DOCK6: variants seen among roughly 807,000 people sequenced by gnomAD.
The protein encoded by DOCK6 is dedicator of cytokinesis protein 6.
Under a neutral mutation model 230.3 loss-of-function variants are expected in DOCK6, and 167 were observed. The observed-to-expected ratio is 0.73, with a 90% confidence interval of 0.64 to 0.82. DOCK6 has a LOEUF of 0.82. Ranked by LOEUF, DOCK6 falls within the 40% of genes least tolerant of loss-of-function variation. The pLI is 0.00. For missense variants in DOCK6, 2,598 were observed against 2,825.8 expected (o/e 0.92, Z 1.83); for synonymous variants, 1,148 against 1,185.0 (o/e 0.97, Z 0.64).
At chr19:11,241,304 A>G (rs944449256) in intron 14 of DOCK6, 8 of 614,834 alleles carry the variant, frequency 1.3e-5, no homozygotes, top group African/African-American at 9.2e-5. Context: ...TTTTATCCCC[A>G]TTTTACAGAT....
intron 24 of DOCK6, among the ~76,000 whole-genome samples, chr19:11,224,382 T>C (rs912384078): frequency 1.3e-5 from 2 of 151,878 alleles, no homozygotes; most frequent in East Asian, 3.9e-4. Context: ...GGCTAACTTC[T>C]GTGTTTTTAG....
In DOCK6 at chr19:11,215,792, C is replaced by A. The variant is rs1294745719; in HGVS notation, c.4021+9G>T. 1 of 1,613,856 alleles carries A rather than the reference C, an allele frequency of 6.2e-7. No homozygotes were observed. On this transcript the variant is annotated intron_variant, in intron 31 of 47. Transcript: ENST00000294618. The stretch of plus-strand genomic sequence containing the variant: ...GGGATGGGGACACGTGGGTATGTCA[C>A]CCTCTTACCACGACTTCGCCGAACC...
chr19:11,259,972 C>A (rs1599301395), intron 1 of DOCK6, among the ~76,000 whole-genome samples: 1 of 149,398 alleles, frequency 6.7e-6, no homozygotes, highest in Non-Finnish European at 1.5e-5. Context: ...CAACCTCCAC[C>A]TCCTGGGTTC....
In DOCK6 at chr19:11,200,688, G is replaced by C. The variant is rs1402886276; in HGVS notation, c.5939+28C>G. The C allele has an allele frequency of 6.3e-7, 1 of 1,593,518 alleles. No individual in the cohort carries two copies. The highest frequency in any genetic ancestry group is 8.5e-7 in the Non-Finnish European group (1 of 1,169,750). ...GCCTATGCAGGTTAGGCAGACACGA[G>C]ACCCCTCCTGGGGGGTTTTGCGCCT... On this transcript the variant is annotated intron_variant, in intron 46 of 47. Coordinates refer to ENST00000294618, the MANE Select transcript of DOCK6 (RefSeq NM_020812.4). This position sits in a 1 kb window ranked among gnomAD's most constrained non-coding sequence, Gnocchi z 4.3.
Position 11,215,842 on chromosome 19 carries a change from C to G in DOCK6, c.3980G>C (p.Gly1327Ala). The change falls in exon 31 of 48, where the codon GGT (glycine) becomes GCT (alanine). Residue 1327 changes from glycine to alanine, a missense_variant. Transcript: ENST00000294618. ...MKARLEEAIL[G>A]TIGARQEMVR... The stretch of plus-strand genomic sequence containing the variant: ...CATTTCTTGTCGAGCTCCGATGGTA[C>G]CCAGAATGGCTTCCTCTAGCCGCGC... The G allele has an allele frequency of 6.2e-7, 1 of 1,613,956 alleles. No individual in the cohort carries two copies. Among genetic ancestry groups the G allele is most frequent in the Non-Finnish European group, 8.5e-7 (1 of 1,179,868 alleles).
intron 24 of DOCK6, among the ~76,000 whole-genome samples, chr19:11,224,620 G>A (rs2079635445): frequency 6.6e-6 from 1 of 152,210 alleles, no homozygotes; most frequent in African/African-American, 2.4e-5. Flanking sequence ...GGAACAGTCA[G>A]TGCAAAGGCC....
Position 11,236,457 on chromosome 19 carries a change from G to C in DOCK6, c.2281C>G (p.Leu761Val). ...GGGCTGGCCAGGCGCAGTGCTGCAA[G>C]ACTGGCCCGCAGCTCCTGCTCCACG... is the stretch of plus-strand genomic sequence containing the variant. ...GNVEQELRAS[L>V]AALRLASPEP... Residue 761 changes from leucine to valine, a missense_variant, in exon 20 of 48, where the codon CTT becomes GTT. Transcript: ENST00000294618. This position sits in a 1 kb window ranked among gnomAD's most constrained non-coding sequence, Gnocchi z 5.2. 1 of 1,593,464 alleles carries C rather than the reference G, an allele frequency of 6.3e-7. No homozygotes were observed. The highest frequency in any genetic ancestry group is 8.5e-7 in the Non-Finnish European group (1 of 1,170,796).
intron 37 of DOCK6, among the ~76,000 whole-genome samples, chr19:11,209,638 A>C (rs2079330870): frequency 1.5e-5 from 1 of 67,200 alleles, no homozygotes; most frequent in Non-Finnish European, 3.2e-5. Flanking sequence ...CCATCCCTTC[A>C]CCTGTCTATC....
At chr19:11,253,070 G>T in intron 2 of DOCK6, 112 bp from the exon 3 acceptor site, 1 of 1,067,624 alleles carries the variant, frequency 9.4e-7, no homozygotes, top group Non-Finnish European at 1.3e-6. Context: ...GGCGGTGGGA[G>T]CCATGGAGGG....
intron 34 of DOCK6, among the ~76,000 whole-genome samples, 185 bp downstream of exon 34, chr19:11,214,090 A>T (rs995469942): frequency 2.0e-5 from 3 of 150,880 alleles, no homozygotes; most frequent in Admixed American, 2.0e-4. Context: ...GTCCTAGCTA[A>T]TTTTTAATTT....
At chr19:11,217,772 AAAG>A (rs954464356) in intron 28 of DOCK6, among the ~76,000 whole-genome samples, 12 of 151,622 alleles carry the variant, frequency 7.9e-5, no homozygotes, top group African/African-American at 1.9e-4. Flanking sequence ...AAAAAAAAAA[AAAG>A]AAGTCTTCCC....
chr19:11,200,547 A>G lies in DOCK6; in HGVS notation c.5940-78T>C. On this transcript the variant is annotated intron_variant, in intron 46 of 47. Transcript: ENST00000294618. The surrounding 1 kb of genome is among the most constrained non-coding windows in gnomAD (Gnocchi z 4.3). ...CAAGACTAGGGGTGGGGGCACCCAT[A>G]AGGCGGGACCAGGCCTGCAGAAAGA... 1 of 1,558,672 alleles carries G rather than the reference A, an allele frequency of 6.4e-7. No homozygotes were observed. Among genetic ancestry groups the G allele is most frequent in the Non-Finnish European group, 8.7e-7 (1 of 1,152,984 alleles).
rs199649621 is a variant in DOCK6, at chr19:11,228,959, C to G, written c.2795G>C (p.Trp932Ser). The change falls in exon 23 of 48, where the codon TGG (tryptophan) becomes TCG (serine). Residue 932 changes from tryptophan (W) to serine (S), a missense_variant. Trp to Ser is a radical substitution (Grantham distance 177). Transcript: ENST00000294618. ...TCTCACCATGAGCTGGAAGAAGAAC[C>G]AGGCGTGCTGGAGGATGGCCTCGCG... ...AVREAILQHAWFFFQLMVKSM... is the reference protein window; with the variant it reads ...AVREAILQHASFFFQLMVKSM... 206 of 1,613,802 alleles carry G rather than the reference C, an allele frequency of 1.3e-4. 1 individual carries two copies. In the East Asian group the frequency reaches 2.5e-3, roughly 20 times the overall value.
intron 1 of DOCK6, among the ~76,000 whole-genome samples, chr19:11,258,849 C>T (rs2080239375): frequency 1.3e-5 from 2 of 150,176 alleles, no homozygotes; most frequent in Admixed American, 1.3e-4. Context: ...CTCCACGTCC[C>T]GGGTTCAAGT....
intron 32 of DOCK6, among the ~76,000 whole-genome samples, 165 bp downstream of exon 32, chr19:11,215,222 C>T (rs929574159): frequency 6.6e-6 from 1 of 152,064 alleles, no homozygotes; most frequent in Non-Finnish European, 1.5e-5. Flanking sequence ...GGATTACAGG[C>T]ATGAGCCACT....
rs780001418 is a variant in DOCK6 at position 11,233,305 on chromosome 19, G to A, written c.2616C>T (p.Ser872=). The change falls in exon 22 of 48, where the codon AGC becomes AGT. Residue 872 remains serine, a synonymous_variant. Transcript: ENST00000294618. ...TLARGSGRPA[S]LYLARSKSIS... ...TGCTCTTGGAACGCGCCAGGTAGAG[G>A]CTTGCGGGGCGACCAGAGCCACGGG... 6.2e-7 allele frequency: 1 copy of A among 1,613,916 alleles called. No individual in the cohort carries two copies.
chr19:11,212,337 G>A (rs528831173), intron 35 of DOCK6, among the ~76,000 whole-genome samples, 186 bp from the exon 36 acceptor site: 28 of 152,150 alleles, frequency 1.8e-4, no homozygotes, highest in African/African-American at 6.3e-4. Flanking sequence ...CATCTCCCGA[G>A]TTCAGGCAAT....
At chr19:11,221,827 C>T in intron 28 of DOCK6, 24 bp downstream of exon 28, 2 of 1,613,510 alleles carry the variant, frequency 1.2e-6, no homozygotes, top group Non-Finnish European at 1.7e-6. Flanking sequence ...ATCATGTGAC[C>T]CCATCTTCCC....
rs767440868 is a variant in DOCK6, at chr19:11,215,481, G to A, written c.4022-10C>T. The A allele has an allele frequency of 3.1e-6, 5 of 1,609,666 alleles. No individual in the cohort carries two copies. Among genetic ancestry groups the A allele is most frequent in the South Asian group, 2.2e-5 (2 of 90,782 alleles). Reference sequence around the variant, plus strand: ...CCAAACGGGCTCCTCTCTGAGACGCGTGGGTGCACGATCACAGATGCGTAA... The same window carrying A: ...CCAAACGGGCTCCTCTCTGAGACGCATGGGTGCACGATCACAGATGCGTAA... On this transcript the variant is annotated splice_polypyrimidine_tract_variant and intron_variant, in intron 31 of 47. Transcript: ENST00000294618.
Sources: gnomAD v4.1 joint callset for allele counts (sites outside exome capture counted in the v4.1 genomes callset) on GRCh38, gnomAD v4.1.1 for gene constraint, Gnocchi (gnomAD v3.1) non-coding constraint, MANE v1.5 for transcripts, NCBI Gene and HGNC (gene_info 2026-07-23, HGNC 2026-07-21) for gene names.